Variants in KIF18A observed in about 807,000 individuals in gnomAD.
KIF18A encodes the protein kinesin-like protein KIF18A.
A neutral mutation model predicts 103.3 loss-of-function variants in KIF18A; 67 were observed. That is an observed-to-expected ratio of 0.65 (90% CI 0.53 to 0.79). The LOEUF (loss-of-function observed/expected upper bound fraction) is 0.79. KIF18A is among the 30% of genes least tolerant of loss of function. The pLI, the probability that KIF18A is intolerant of heterozygous loss-of-function variation, is 0.00. For missense variants in KIF18A, 1,032 were observed against 1,062.5 expected (o/e 0.97, Z 0.40); for synonymous variants, 367 against 355.5 (o/e 1.03, Z -0.36).
chr11:28,083,251 AAGAT>A lies in KIF18A; in HGVS notation c.1075-12_1075-9del. The A allele has an allele frequency of 6.5e-7, 1 of 1,547,372 alleles. No homozygotes were observed. Among genetic ancestry groups the A allele is most frequent in the Non-Finnish European group, 8.6e-7 (1 of 1,158,194 alleles). On this transcript the variant is annotated splice_polypyrimidine_tract_variant and intron_variant, in intron 7 of 16. Coordinates refer to ENST00000263181, the MANE Select transcript of KIF18A (RefSeq NM_031217.4). ...AAGAACATTGCTCTTCAACTGTTGA[AAGAT>A]AGAAATTATGATTGTTTATAGAGAG...
chr11:28,068,153 C>T (rs796397221), intron 11 of KIF18A, among the ~76,000 whole-genome samples: 3 of 152,182 alleles, frequency 2.0e-5, no homozygotes, highest in African/African-American at 7.2e-5. Context: ...CCATCATTCT[C>T]AGCAAACTAA....
At chr11:28,065,283 AT>A (rs1850904026) in intron 11 of KIF18A, among the ~76,000 whole-genome samples, 1 of 152,110 alleles carries the variant, frequency 6.6e-6, no homozygotes, top group African/African-American at 2.4e-5. Flanking sequence ...TATGTAAAAA[AT>A]AATGGCTTAT....
At chr11:28,068,061 C>T (rs1272855839) in intron 11 of KIF18A, among the ~76,000 whole-genome samples, 6 of 152,090 alleles carry the variant, frequency 3.9e-5, no homozygotes, top group African/African-American at 1.4e-4. Context: ...AGGTATATTG[C>T]ACATATATAC....
intron 12 of KIF18A, among the ~76,000 whole-genome samples, chr11:28,060,052 G>A (rs764670924): frequency 6.6e-6 from 1 of 152,056 alleles, no homozygotes; most frequent in Non-Finnish European, 1.5e-5. Context: ...CTGGATTCAC[G>A]GCTTTAACTC....
chr11:28,042,892 A>G (rs1850579536), intron 13 of KIF18A, among the ~76,000 whole-genome samples: 1 of 151,934 alleles, frequency 6.6e-6, no homozygotes, highest in African/African-American at 2.4e-5. Context: ...CTTTCTAAAG[A>G]GTATTGTATA....
chr11:28,035,068 G>T (rs1242703368), intron 15 of KIF18A, among the ~76,000 whole-genome samples: 1 of 151,646 alleles, frequency 6.6e-6, no homozygotes, highest in Non-Finnish European at 1.5e-5. Flanking sequence ...GGATAATGAA[G>T]TAAGTAGAAA....
intron 11 of KIF18A, among the ~76,000 whole-genome samples, chr11:28,067,762 T>G (rs1850953397): frequency 6.6e-6 from 1 of 152,136 alleles, no homozygotes; most frequent in Non-Finnish European, 1.5e-5. Context: ...TGTAGATATT[T>G]TTTCTTTTAG....
chr11:28,023,218 G>A (rs559686929), intron 16 of KIF18A, among the ~76,000 whole-genome samples: 20 of 152,118 alleles, frequency 1.3e-4, no homozygotes, highest in Non-Finnish European at 1.8e-4. Flanking sequence ...ATGGAATGTA[G>A]TATCTTTCAT....
intron 11 of KIF18A, among the ~76,000 whole-genome samples, chr11:28,068,664 T>C (rs953968416): frequency 6.6e-6 from 1 of 152,050 alleles, no homozygotes; most frequent in Non-Finnish European, 1.5e-5. Context: ...AGACTAGATA[T>C]GAAACAGTAA....
In KIF18A at chr11:28,023,819, C is replaced by T. The variant is rs748687672; in HGVS notation, c.2536G>A (p.Val846Ile). The T allele has an allele frequency of 5.3e-5, 85 of 1,612,358 alleles. No homozygotes were observed. The highest frequency in any genetic ancestry group is 8.8e-5 in the South Asian group (8 of 90,932). Reference sequence around the variant, plus strand: ...ACACGTTTGGCAAATCCAGAATTTACGTCTGCAGTTAACGAACTGTTTGAT... The same window carrying T: ...ACACGTTTGGCAAATCCAGAATTTATGTCTGCAGTTAACGAACTGTTTGAT... ...STSNSSLTAD[V>I]NSGFAKRVRQ... The change falls in exon 16 of 17, where the codon GTA (valine) becomes ATA (isoleucine). Residue 846 changes from valine to isoleucine, a missense_variant. By Grantham distance (29) the Val-to-Ile change is conservative. Transcript: ENST00000263181.
intron 15 of KIF18A, among the ~76,000 whole-genome samples, chr11:28,028,147 C>G (rs867141809): frequency 2.6e-5 from 4 of 151,374 alleles, no homozygotes; most frequent in Admixed American, 6.6e-5. Flanking sequence ...ATTCAACATC[C>G]CTTTATGATA....
intron 11 of KIF18A, among the ~76,000 whole-genome samples, chr11:28,064,427 A>G (rs1472563147): frequency 6.6e-6 from 1 of 152,032 alleles, no homozygotes; most frequent in East Asian, 1.9e-4. Flanking sequence ...TAGTGTGAAC[A>G]TGTTTGCCAC....
intron 15 of KIF18A, among the ~76,000 whole-genome samples, chr11:28,026,324 T>C (rs527680171): frequency 2.4e-4 from 36 of 151,878 alleles, no homozygotes; most frequent in Middle Eastern, 6.8e-3. Context: ...TTAGAATATA[T>C]ACACAACTAA....
chr11:28,066,575 G>A (rs562252668), intron 11 of KIF18A, among the ~76,000 whole-genome samples: 18 of 151,652 alleles, frequency 1.2e-4, no homozygotes, highest in Non-Finnish European at 1.9e-4. Context: ...TAAAAAAAAC[G>A]TGCTATAGTT....
chr11:28,071,246 T>C (rs116724759), intron 10 of KIF18A, among the ~76,000 whole-genome samples: 7,767 of 152,210 alleles, frequency 0.051, 688 homozygotes, highest in African/African-American at 0.18. Flanking sequence ...ATACAGTTAG[T>C]TGCACAGTAG....
chr11:28,107,303 C>T (rs1433011480), intron 1 of KIF18A, among the ~76,000 whole-genome samples: 1 of 151,740 alleles, frequency 6.6e-6, no homozygotes, highest in East Asian at 1.9e-4. Context: ...TCATTCTGGT[C>T]AAATACTCTC....
At chr11:28,065,603 G>C (rs1196266970) in intron 11 of KIF18A, among the ~76,000 whole-genome samples, 1 of 151,876 alleles carries the variant, frequency 6.6e-6, no homozygotes, top group Non-Finnish European at 1.5e-5. Flanking sequence ...CTACTAAGTA[G>C]ACAAAAAAGC....
At position 28,023,779 on chromosome 11, in the gene KIF18A, G is replaced by C; in HGVS notation, c.2576C>G (p.Ser859Ter). The change falls in exon 16 of 17, where the codon TCA (serine) becomes TGA (stop). Residue 859 changes from serine (S) to a stop codon, truncating the protein, a stop_gained. Transcript: ENST00000263181. LOFTEE classifies it high-confidence loss of function. ...GTTTTCTTGTAAGTGCTTCTCACTTGAATTATCTTGTCGAACACGTTTGGC... is the reference window on the plus strand; with the variant it reads ...GTTTTCTTGTAAGTGCTTCTCACTTCAATTATCTTGTCGAACACGTTTGGC... Reference protein sequence around the residue: ...GFAKRVRQDNSSEKHLQENKP... With the variant: ...GFAKRVRQDN 4 of 1,612,466 alleles carry C rather than the reference G, an allele frequency of 2.5e-6. No homozygotes were observed. Among genetic ancestry groups the C allele is most frequent in the Non-Finnish European group, 3.4e-6 (4 of 1,178,794 alleles).
chr11:28,032,940 C>T lies in KIF18A; in HGVS notation c.2504+2447G>A, dbSNP rs1215243394. ...AGTGAAGAGACAACCCACAGAATTA[C>T]AGAAAATACCTGCAAACTATCTATC... On this transcript the variant is annotated intron_variant, in intron 15 of 16. Coordinates refer to ENST00000263181, the MANE Select transcript of KIF18A (RefSeq NM_031217.4). Among the ~76,000 whole-genome samples the T allele has an allele frequency of 7.1e-4, 107 of 151,742 alleles. 1 individual carries two copies.
Sources: gnomAD v4.1 joint callset for allele counts (sites outside exome capture counted in the v4.1 genomes callset) on GRCh38, gnomAD v4.1.1 for gene constraint, MANE v1.5 for transcripts, NCBI Gene and HGNC (gene_info 2026-07-23, HGNC 2026-07-21) for gene names.